Variants in TNRC6C observed in about 807,000 individuals in gnomAD.
TNRC6C encodes the protein trinucleotide repeat-containing gene 6C protein.
Under a neutral mutation model 153.7 loss-of-function variants are expected in TNRC6C, and 20 were observed. The observed-to-expected ratio is 0.13, with a 90% CI of 0.09 to 0.19. The LOEUF (loss-of-function observed/expected upper bound fraction) is 0.19. Among genes scored for constraint, TNRC6C ranks in the 10% least tolerant of loss-of-function variants. TNRC6C has a pLI of 1.00. For synonymous variants in TNRC6C, 811 were observed against 841.4 expected (o/e 0.96, Z 0.63); for missense variants, 1,987 against 2,172.0 (o/e 0.91, Z 1.69).
chr17:77,959,461 G>A (rs2070842526), intron 1 of TNRC6C, among the ~76,000 whole-genome samples, 193 bp downstream of exon 1: 2 of 151,996 alleles, frequency 1.3e-5, no homozygotes, highest in Admixed American at 6.5e-5. Context: ...GTGTGTGCTA[G>A]TGTGAGACGG....
At chr17:77,958,428 C>A (rs1452919278), upstream of TNRC6C, among the ~76,000 whole-genome samples, 1 of 151,776 alleles carries the variant, frequency 6.6e-6, no homozygotes, top group African/African-American at 2.4e-5. Flanking sequence ...CACCCCGGCG[C>A]GCTCCCCGCG....
intron 1 of TNRC6C, among the ~76,000 whole-genome samples, chr17:78,011,546 G>T (rs915222740): frequency 7.2e-5 from 11 of 152,176 alleles, no homozygotes; most frequent in Non-Finnish European, 1.6e-4. Context: ...GTGTTCCATT[G>T]TGTAGGTGTA....
intron 8 of TNRC6C, among the ~76,000 whole-genome samples, chr17:78,076,598 A>G (rs1354162730): frequency 1.3e-5 from 2 of 152,206 alleles, no homozygotes; most frequent in African/African-American, 4.8e-5. Flanking sequence ...CTAAATTGGG[A>G]CCCTGACATT....
chr17:77,992,367 G>A lies in TNRC6C; in HGVS notation c.-37-11803G>A, dbSNP rs1450438557. Reference sequence around the variant, plus strand: ...ACAAAAATTAGCCGGGCATGGTGGCGCGTGCCTGTAGTCCCAGCTACACAG... The same window carrying A: ...ACAAAAATTAGCCGGGCATGGTGGCACGTGCCTGTAGTCCCAGCTACACAG... On this transcript the variant is annotated intron_variant, in intron 1 of 22. Transcript: ENST00000636222. 3.8e-5 allele frequency among the ~76,000 whole-genome samples: 4 copies of A among 104,890 alleles called. 1 individual carries two copies. The highest frequency in any genetic ancestry group is 3.5e-4 in the South Asian group (1 of 2,866). The allele number at this position is 104,890 out of a possible 152,430, so 68.8% of individuals were successfully genotyped here.
chr17:77,977,249 C>T (rs1388436255), intron 1 of TNRC6C, among the ~76,000 whole-genome samples: 1 of 151,954 alleles, frequency 6.6e-6, no homozygotes, highest in Admixed American at 6.6e-5. Context: ...GTAAATATAG[C>T]TTGATTAATT....
intron 1 of TNRC6C, among the ~76,000 whole-genome samples, chr17:77,995,303 C>T (rs1270707148): frequency 6.6e-6 from 1 of 152,112 alleles, no homozygotes; most frequent in African/African-American, 2.4e-5. Flanking sequence ...GCAGGGGTGG[C>T]GACATGGCTG....
At chr17:78,091,775 A>G (rs1598784249) in intron 14 of TNRC6C, among the ~76,000 whole-genome samples, 168 bp downstream of exon 16, 2 of 152,318 alleles carry the variant, frequency 1.3e-5, no homozygotes, top group East Asian at 3.9e-4. Flanking sequence ...CTAGTCACTG[A>G]TCAAACTTCT....
chr17:78,074,424 G>GATAGACTGCAGACTGTCTA (rs2073049887), intron 7 of TNRC6C, among the ~76,000 whole-genome samples: 1 of 152,212 alleles, frequency 6.6e-6, no homozygotes, highest in Admixed American at 6.5e-5. Context: ...GAATAATGAG[G>GATAGACTGCAGACTGTCTA]ATAGACTGCA....
intron 17 of TNRC6C, among the ~76,000 whole-genome samples, chr17:78,101,778 T>C (rs936670898): frequency 6.6e-6 from 1 of 152,198 alleles, no homozygotes; most frequent in African/African-American, 2.4e-5. Context: ...TGCTACTGTT[T>C]GTGGTTTAAG....
intron 1 of TNRC6C, among the ~76,000 whole-genome samples, chr17:78,020,264 GA>G (rs1293050742): frequency 6.6e-6 from 1 of 152,222 alleles, no homozygotes; most frequent in Non-Finnish European, 1.5e-5. Flanking sequence ...ATCACTGTGA[GA>G]ACAAGTACGT....
chr17:78,017,628 G>A (rs1316093007), intron 1 of TNRC6C, among the ~76,000 whole-genome samples: 1 of 152,204 alleles, frequency 6.6e-6, no homozygotes, highest in African/African-American at 2.4e-5. Context: ...TAGTGTGGCA[G>A]CCAGGCAGGA....
chr17:77,978,080 G>A (rs2071026873), intron 1 of TNRC6C, among the ~76,000 whole-genome samples: 1 of 151,730 alleles, frequency 6.6e-6, no homozygotes, highest in African/African-American at 2.4e-5. Context: ...TGTATTTTTA[G>A]TAGGCACGGG....
At chr17:78,029,058 T>C (rs1268056442) in intron 1 of TNRC6C, among the ~76,000 whole-genome samples, 1 of 152,224 alleles carries the variant, frequency 6.6e-6, no homozygotes, top group East Asian at 1.9e-4. Flanking sequence ...TAAATTACTA[T>C]GAGATCTTTG....
chr17:78,015,577 A>G (rs1230267149), intron 1 of TNRC6C, among the ~76,000 whole-genome samples: 1 of 152,214 alleles, frequency 6.6e-6, no homozygotes, highest in African/African-American at 2.4e-5. Flanking sequence ...CCTAGCTCAT[A>G]CCACATACTG....
intron 1 of TNRC6C, among the ~76,000 whole-genome samples, chr17:77,966,617 A>G (rs2070898593): frequency 6.6e-6 from 1 of 152,202 alleles, no homozygotes; most frequent in Non-Finnish European, 1.5e-5. Context: ...GCTGATGGGG[A>G]AAGATGACAC....
intron 1 of TNRC6C, among the ~76,000 whole-genome samples, chr17:78,006,595 T>C (rs59339483): frequency 0.023 from 3,460 of 147,396 alleles, 182 homozygotes; most frequent in African/African-American, 0.085. Context: ...CCTTCTTCCT[T>C]CTTCCTCCTT....
At chr17:78,099,747 A>T (rs981493771) in intron 17 of TNRC6C, among the ~76,000 whole-genome samples, 1 of 152,148 alleles carries the variant, frequency 6.6e-6, no homozygotes, top group African/African-American at 2.4e-5. Context: ...AAAACCAATC[A>T]TGCCTTCCCA....
At chr17:78,094,252 A>G (rs2073443433) in intron 16 of TNRC6C, among the ~76,000 whole-genome samples, 2 of 151,760 alleles carry the variant, frequency 1.3e-5, no homozygotes, top group Non-Finnish European at 2.9e-5. Flanking sequence ...TTGATAAGTA[A>G]TGTCTTATCA....
At chr17:77,979,199 C>A (rs1322714464) in intron 1 of TNRC6C, among the ~76,000 whole-genome samples, 1 of 152,034 alleles carries the variant, frequency 6.6e-6, no homozygotes, top group Non-Finnish European at 1.5e-5. Context: ...TTGAAAAGTG[C>A]AATATAGGGT....
Sources: gnomAD v4.1 joint callset for allele counts (sites outside exome capture counted in the v4.1 genomes callset) on GRCh38, gnomAD v4.1.1 for gene constraint, MANE v1.5 for transcripts, NCBI Gene and HGNC (gene_info 2026-07-23, HGNC 2026-07-21) for gene names.